RBBP4: variants seen among roughly 807,000 people sequenced by gnomAD.
RBBP4 encodes RB binding protein 4, chromatin remodeling factor.
In RBBP4, 3 loss-of-function variants were observed where a neutral mutation model predicts 57.2. That is an observed-to-expected ratio of 0.05 (90% confidence interval 0.02 to 0.14). The LOEUF is 0.14. Ranked by LOEUF, RBBP4 falls within the 10% of genes least tolerant of loss-of-function variation. RBBP4 has a pLI of 1.00. For missense variants in RBBP4, 107 were observed against 520.6 expected, an observed-to-expected ratio of 0.21 and a Z score of 7.73; for synonymous variants, 151 against 171.5, an observed-to-expected ratio of 0.88 and a Z score of 0.93.
At position 32,671,460 on chromosome 1, in the gene RBBP4, G is replaced by A. The variant is rs531996278; in HGVS notation, c.967-990G>A. Among the ~76,000 whole-genome samples the A allele has an allele frequency of 1.6e-3, 244 of 152,220 alleles. 2 individuals carry two copies. Among genetic ancestry groups the A allele is most frequent in the Non-Finnish European group, 2.6e-3 (180 of 68,022 alleles). On this transcript the variant is annotated intron_variant, in intron 8 of 11. Transcript: ENST00000373493. ...TAGCCAGGCATGGTGGTGCACGCCTGTAATCCCAGCTACTTAAGAGGCTGA... is the reference window on the plus strand; with the variant it reads ...TAGCCAGGCATGGTGGTGCACGCCTATAATCCCAGCTACTTAAGAGGCTGA...
intron 3 of RBBP4, among the ~76,000 whole-genome samples, chr1:32,664,868 A>C (rs1648577670): frequency 6.6e-6 from 1 of 152,190 alleles, no homozygotes; most frequent in African/African-American, 2.4e-5. Flanking sequence ...AGCAAACCAC[A>C]CAAATTTTTT....
chr1:32,683,811 T>G lies in RBBP4; in HGVS notation c.*4106T>G. The G allele has an allele frequency of 1.8e-6, 1 of 559,944 alleles. No individual in the cohort carries two copies. The highest frequency in any genetic ancestry group is 3.2e-6 in the Non-Finnish European group (1 of 310,906). 34.7% of individuals were successfully genotyped at this position (559,944 alleles called of 1,614,324 possible). ...CTATGCCCGGCTAATTTTTGTATTT[T>G]TAGTGGAGATGGAGTTTTGCCATGT... On this transcript the variant is annotated 3_prime_UTR_variant, in exon 12 of 12. Coordinates refer to ENST00000373493, the MANE Select transcript of RBBP4 (RefSeq NM_005610.3).
intron 3 of RBBP4, among the ~76,000 whole-genome samples, chr1:32,661,831 T>C (rs1469384883): frequency 6.7e-6 from 1 of 150,318 alleles, no homozygotes; most frequent in Non-Finnish European, 1.5e-5. Flanking sequence ...TGTCTGCTTA[T>C]ATGTGTTTTG....
At position 32,666,356 on chromosome 1, in the gene RBBP4, A is replaced by G. The variant is rs550347408; in HGVS notation, c.311-1869A>G. Among the ~76,000 whole-genome samples, 3 of 109,120 alleles carry G rather than the reference A, an allele frequency of 2.7e-5. No homozygotes were observed. The Admixed American group carries it at 4.0e-4, about 14-fold the overall frequency. The allele number at this position is 109,120 out of a possible 152,430, so 71.6% of individuals were successfully genotyped here. On this transcript the variant is annotated intron_variant, in intron 3 of 11. Transcript: ENST00000373493. ...ACTTATTTACACTTTGAAATTTGAAAACTTTATTTTTTTTTTTTTTGAGAC... is the reference window on the plus strand; with the variant it reads ...ACTTATTTACACTTTGAAATTTGAAGACTTTATTTTTTTTTTTTTTGAGAC...
At chr1:32,672,924 T>G (rs111283379) in intron 11 of RBBP4, 23 bp downstream of exon 11, 20 of 1,542,926 alleles carry the variant, frequency 1.3e-5, no homozygotes, top group African/African-American at 1.2e-4. Flanking sequence ...TAATTTATTT[T>G]GGGGAGGTGA....
chr1:32,658,545 C>T (rs1233604280), intron 3 of RBBP4, among the ~76,000 whole-genome samples: 3 of 82,052 alleles, frequency 3.7e-5, no homozygotes, highest in Non-Finnish European at 6.7e-5. Context: ...TGCTTAAACG[C>T]TTTCCTTTTT....
In RBBP4 at chr1:32,680,535, C is replaced by T; in HGVS notation, c.*830C>T. 1.3e-6 allele frequency: 2 copies of T among 1,541,920 alleles called. No homozygotes were observed. The highest frequency in any genetic ancestry group is 1.8e-6 in the Non-Finnish European group (2 of 1,142,278). Reference sequence around the variant, plus strand: ...TGCTTTTTTTTTTTAGGAGTTAGTCCTTGACCACTAGTTTGATGCCATCTC... The same window carrying T: ...TGCTTTTTTTTTTTAGGAGTTAGTCTTTGACCACTAGTTTGATGCCATCTC... On this transcript the variant is annotated 3_prime_UTR_variant, in exon 12 of 12. Coordinates refer to ENST00000373493, the MANE Select transcript of RBBP4 (RefSeq NM_005610.3).
At chr1:32,678,957 A>T (rs1649251809) in intron 11 of RBBP4, among the ~76,000 whole-genome samples, 1 of 152,042 alleles carries the variant, frequency 6.6e-6, no homozygotes, top group African/African-American at 2.4e-5. Context: ...CCATTTTAGT[A>T]GTTGATGGAT....
rs758948617 is a variant in RBBP4 at position 32,681,200 on chromosome 1, C to A, written c.*1495C>A. 6.6e-6 allele frequency: 1 copy of A among 152,380 alleles called. No homozygotes were observed. The highest frequency in any genetic ancestry group is 1.5e-5 in the Non-Finnish European group (1 of 68,126). The allele number at this position is 152,380 out of a possible 1,614,324, so 9.4% of individuals were successfully genotyped here. ...CAGAACTACTTTCATGAGGTAAGATCTTTGGGAAAATCTGAATAGCGTTAA... is the reference window on the plus strand; with the variant it reads ...CAGAACTACTTTCATGAGGTAAGATATTTGGGAAAATCTGAATAGCGTTAA... On this transcript the variant is annotated 3_prime_UTR_variant, in exon 12 of 12. Transcript: ENST00000373493.
At chr1:32,675,507 C>T (rs535838241) in intron 11 of RBBP4, among the ~76,000 whole-genome samples, 13 of 151,896 alleles carry the variant, frequency 8.6e-5, no homozygotes, top group East Asian at 3.9e-4. Flanking sequence ...CGGTGGCTCA[C>T]GCCTGTACTC....
intron 3 of RBBP4, among the ~76,000 whole-genome samples, chr1:32,664,100 T>A (rs1440679599): frequency 1.3e-5 from 2 of 151,958 alleles, no homozygotes; most frequent in Non-Finnish European, 2.9e-5. Context: ...CTAATTTTTT[T>A]TGTATTTTTA....
chr1:32,681,849 T>C lies in RBBP4; in HGVS notation c.*2144T>C. 6.2e-7 allele frequency: 1 copy of C among 1,614,168 alleles called. No homozygotes were observed. On this transcript the variant is annotated 3_prime_UTR_variant, in exon 12 of 12. Transcript: ENST00000373493. The stretch of plus-strand genomic sequence containing the variant: ...CGGGTTACAGATTTGGCCATATATT[T>C]CTAAACAGCCCCTGTAAAGTTGAAA...
At chr1:32,657,098 A>T (rs1157821706) in intron 2 of RBBP4, among the ~76,000 whole-genome samples, 1 of 152,090 alleles carries the variant, frequency 6.6e-6, no homozygotes, top group African/African-American at 2.4e-5. Flanking sequence ...CAACATGGTG[A>T]AATCCCGTCT....
chr1:32,662,031 C>T (rs1557854262), intron 3 of RBBP4, among the ~76,000 whole-genome samples: 1 of 145,950 alleles, frequency 6.9e-6, no homozygotes. Context: ...GACTACAGGT[C>T]TGTGCCACCA....
At chr1:32,663,961 C>T (rs1334365877) in intron 3 of RBBP4, among the ~76,000 whole-genome samples, 4 of 147,854 alleles carry the variant, frequency 2.7e-5, no homozygotes, top group Non-Finnish European at 5.9e-5. Context: ...GAGTCTCGCT[C>T]TGTTGCCCAG....
chr1:32,655,256 C>A (rs931995279), intron 2 of RBBP4, among the ~76,000 whole-genome samples: 1 of 152,174 alleles, frequency 6.6e-6, no homozygotes, highest in African/African-American at 2.4e-5. Context: ...GGATTACAGA[C>A]ATGAGCCACC....
chr1:32,669,613 G>A lies in RBBP4; in HGVS notation c.966+50G>A, dbSNP rs1444230444. 4 of 1,567,222 alleles carry A rather than the reference G, an allele frequency of 2.6e-6. No individual in the cohort carries two copies. Among genetic ancestry groups the A allele is most frequent in the Admixed American group, 2.0e-5 (1 of 49,834 alleles). On this transcript the variant is annotated intron_variant, in intron 8 of 11. Coordinates refer to ENST00000373493, the MANE Select transcript of RBBP4 (RefSeq NM_005610.3). The surrounding 1 kb of genome is among the most constrained non-coding windows in gnomAD (Gnocchi z 4.9). ...TTGTTTGTTTTAAGAAAAACCTGCTGGGCGCGGTCGCTCACGCCTGTAATC... is the reference window on the plus strand; with the variant it reads ...TTGTTTGTTTTAAGAAAAACCTGCTAGGCGCGGTCGCTCACGCCTGTAATC...
At chr1:32,662,129 T>C (rs1085416) in intron 3 of RBBP4, 219,485 of 223,752 alleles carry the variant, frequency 0.98, 107,802 homozygotes, top group East Asian at 1. Context: ...TGCGATCTGC[T>C]AGCCTTGGCC....
chr1:32,682,657 G>A lies in RBBP4; in HGVS notation c.*2952G>A, dbSNP rs1243431580. The A allele has an allele frequency of 1.3e-5, 2 of 151,992 alleles. No homozygotes were observed. The highest frequency in any genetic ancestry group is 2.9e-5 in the Non-Finnish European group (2 of 68,058). The allele number at this position is 151,992 out of a possible 1,614,324, so 9.4% of individuals were successfully genotyped here. On this transcript the variant is annotated 3_prime_UTR_variant, in exon 12 of 12. Transcript: ENST00000373493. ...GTGGTGGCATGCTCCTGTAGTCCCA[G>A]CTACTCAGGAGGCTGAGGCAGGAAA...
Sources: gnomAD v4.1 joint callset for allele counts (sites outside exome capture counted in the v4.1 genomes callset) on GRCh38, gnomAD v4.1.1 for gene constraint, Gnocchi (gnomAD v3.1) non-coding constraint, MANE v1.5 for transcripts, NCBI Gene and HGNC (gene_info 2026-07-23, HGNC 2026-07-21) for gene names.